Variants in KCNQ1 observed in about 807,000 individuals in gnomAD.
The protein encoded by KCNQ1 is potassium voltage-gated channel subfamily KQT member 1.
A neutral mutation model predicts 72.4 loss-of-function variants in KCNQ1; 49 were observed. That is an observed-to-expected ratio of 0.68 (90% CI 0.54 to 0.86). The LOEUF is 0.86. Ranked by LOEUF, KCNQ1 falls within the 40% of genes least tolerant of loss-of-function variation. The pLI is 0.00. For missense variants in KCNQ1, 790 were observed against 945.1 expected (o/e 0.84, Z 2.15); for synonymous variants, 450 against 412.6 (o/e 1.09, Z -1.10).
intron 10 of KCNQ1, among the ~76,000 whole-genome samples, chr11:2,596,555 T>G (rs1032483097): frequency 6.6e-6 from 1 of 151,420 alleles, no homozygotes; most frequent in African/African-American, 2.4e-5. Flanking sequence ...ATGGATACAT[T>G]GCAACATAAT....
At chr11:2,834,943 C>T (rs1016355322) in intron 15 of KCNQ1, among the ~76,000 whole-genome samples, 18 of 152,346 alleles carry the variant, frequency 1.2e-4, no homozygotes, top group Middle Eastern at 6.8e-3. Flanking sequence ...CCGCCCAGCC[C>T]CTATCTGGGA....
intron 1 of KCNQ1, among the ~76,000 whole-genome samples, chr11:2,505,719 C>T (rs1053507300): frequency 3.9e-5 from 6 of 152,170 alleles, no homozygotes; most frequent in African/African-American, 1.4e-4. Flanking sequence ...AAGTGTGCAG[C>T]GTCCTCTTTT....
rs184731749 is a variant in KCNQ1 at position 2,673,091 on chromosome 11, C to A, written c.1514+11010C>A. On this transcript the variant is annotated intron_variant, in intron 11 of 15. Coordinates refer to ENST00000155840, the MANE Select transcript of KCNQ1 (RefSeq NM_000218.3). This position sits in a 1 kb window ranked among gnomAD's most constrained non-coding sequence, Gnocchi z 4.5. Reference sequence around the variant, plus strand: ...CTTCTCAGGCCACAGTAGGCCTTCACGGTACTCAGCAGGAGACCCCAGCAG... The same window carrying A: ...CTTCTCAGGCCACAGTAGGCCTTCAAGGTACTCAGCAGGAGACCCCAGCAG... 1 of 398,866 alleles carries A rather than the reference C, an allele frequency of 2.5e-6. No homozygotes were observed. Among genetic ancestry groups the A allele is most frequent in the East Asian group, 3.6e-5 (1 of 28,066 alleles). The allele number at this position is 398,866 out of a possible 1,614,324, so 24.7% of individuals were successfully genotyped here.
intron 2 of KCNQ1, among the ~76,000 whole-genome samples, chr11:2,554,006 C>T (rs968839451): frequency 2.6e-5 from 4 of 152,190 alleles, no homozygotes; most frequent in African/African-American, 9.6e-5. Flanking sequence ...CGTGAGCCAC[C>T]ATGCCCAGCT....
chr11:2,836,179 G>A (rs1218788028), intron 15 of KCNQ1, among the ~76,000 whole-genome samples: 2 of 152,190 alleles, frequency 1.3e-5, no homozygotes, highest in Admixed American at 6.5e-5. Flanking sequence ...CATTTCTGAG[G>A]GAGAGGGACA....
At chr11:2,461,962 T>C in intron 1 of KCNQ1, 1 of 371,838 alleles carries the variant, frequency 2.7e-6, no homozygotes. Flanking sequence ...GGGGAAGGTC[T>C]GGAGAGGGCC....
In KCNQ1 at chr11:2,572,993, C is replaced by G; in HGVS notation, c.921+7C>G. ...TGCGCTGTGGTGGGGGGTGGTAAGT[C>G]GGAAACTTCCAGGCATGGGGACAGG... On this transcript the variant is annotated splice_region_variant and intron_variant, in intron 6 of 15. Coordinates refer to ENST00000155840, the MANE Select transcript of KCNQ1 (RefSeq NM_000218.3). 2 of 1,612,046 alleles carry G rather than the reference C, an allele frequency of 1.2e-6. No individual in the cohort carries two copies. The highest frequency in any genetic ancestry group is 1.7e-6 in the Non-Finnish European group (2 of 1,178,910).
intron 1 of KCNQ1, among the ~76,000 whole-genome samples, chr11:2,469,408 G>A (rs974482528): frequency 1.3e-5 from 2 of 151,918 alleles, no homozygotes; most frequent in African/African-American, 4.8e-5. Flanking sequence ...CAAGTAGTTG[G>A]GACTACAGAT....
chr11:2,494,383 G>A lies in KCNQ1; in HGVS notation c.387-33545G>A, dbSNP rs1460784132. 6.6e-6 allele frequency among the ~76,000 whole-genome samples: 1 copy of A among 152,096 alleles called. No homozygotes were observed. The highest frequency in any genetic ancestry group is 2.1e-4 in the South Asian group (1 of 4,816). ...TCCTGGCCAGAACTTCCAATACTAT[G>A]TTGAATGGGAGTGGTGAGAGAGGGC... On this transcript the variant is annotated intron_variant, in intron 1 of 15. Coordinates refer to ENST00000155840, the MANE Select transcript of KCNQ1 (RefSeq NM_000218.3). This position sits in a 1 kb window ranked among gnomAD's most constrained non-coding sequence, Gnocchi z 4.6.
At position 2,479,583 on chromosome 11, in the gene KCNQ1, A is replaced by G. The variant is rs1846623457; in HGVS notation, c.386+34099A>G. On this transcript the variant is annotated intron_variant, in intron 1 of 15. Coordinates refer to ENST00000155840, the MANE Select transcript of KCNQ1 (RefSeq NM_000218.3). This position sits in a 1 kb window ranked among gnomAD's most constrained non-coding sequence, Gnocchi z 4.6. ...AGGGCACCAAGTCCCTAGGCTGCAC[A>G]CAGCATGGAGGCCCTGGGCCCAGTC... 6.6e-6 allele frequency among the ~76,000 whole-genome samples: 1 copy of G among 152,192 alleles called. No homozygotes were observed. The highest frequency in any genetic ancestry group is 2.1e-4 in the South Asian group (1 of 4,834).
Position 2,477,893 on chromosome 11 carries a change from G to A in KCNQ1, c.386+32409G>A, listed in dbSNP as rs1846595260. ...TCCAGTTCTCACGTTAGAATCAACA[G>A]GGCTGGAAGGCCATCAAGGAAACCC... On this transcript the variant is annotated intron_variant, in intron 1 of 15. Coordinates refer to ENST00000155840, the MANE Select transcript of KCNQ1 (RefSeq NM_000218.3). This position sits in a 1 kb window ranked among gnomAD's most constrained non-coding sequence, Gnocchi z 5.0. Among the ~76,000 whole-genome samples, 1 of 152,160 alleles carries A rather than the reference G, an allele frequency of 6.6e-6. No individual in the cohort carries two copies. Among genetic ancestry groups the A allele is most frequent in the Non-Finnish European group, 1.5e-5 (1 of 68,022 alleles).
intron 11 of KCNQ1, among the ~76,000 whole-genome samples, chr11:2,726,970 G>A (rs888984636): frequency 2.0e-4 from 30 of 152,364 alleles, no homozygotes; most frequent in Admixed American, 1.6e-3. Flanking sequence ...CTGCCCCCAG[G>A]TGAAGGGTTG....
intron 10 of KCNQ1, chr11:2,637,026 G>A (rs974583474): frequency 6.6e-6 from 1 of 152,212 alleles, no homozygotes; most frequent in East Asian, 1.9e-4. Context: ...GGGATCGGTG[G>A]TGATATCCCC....
At chr11:2,838,698 G>C (rs185633356) in intron 15 of KCNQ1, among the ~76,000 whole-genome samples, 1 of 152,254 alleles carries the variant, frequency 6.6e-6, no homozygotes, top group East Asian at 1.9e-4. Flanking sequence ...GCAATGACAC[G>C]AGAACGGCCA....
chr11:2,681,069 T>A (rs1477010503), intron 11 of KCNQ1: 1 of 398,636 alleles, frequency 2.5e-6, no homozygotes, highest in East Asian at 3.6e-5. Flanking sequence ...AAAGAGACTT[T>A]GGAAGATTTC....
At chr11:2,732,428 G>A (rs977080390) in intron 11 of KCNQ1, among the ~76,000 whole-genome samples, 1 of 152,236 alleles carries the variant, frequency 6.6e-6, no homozygotes. Context: ...GGGCTGGGCA[G>A]GGGACTCCTG....
chr11:2,740,700 C>T (rs1018117999), intron 11 of KCNQ1, among the ~76,000 whole-genome samples: 1 of 152,198 alleles, frequency 6.6e-6, no homozygotes, highest in African/African-American at 2.4e-5. Flanking sequence ...GAGTCCCTGT[C>T]CTGCAGTTTC....
intron 1 of KCNQ1, among the ~76,000 whole-genome samples, chr11:2,523,342 C>T (rs1407472492): frequency 3.9e-5 from 6 of 152,050 alleles, no homozygotes; most frequent in African/African-American, 1.5e-4. Context: ...TACAGGAGCA[C>T]ACCACCACCC....
chr11:2,606,249 C>T (rs1485557239), intron 10 of KCNQ1, among the ~76,000 whole-genome samples: 2 of 152,100 alleles, frequency 1.3e-5, no homozygotes, highest in Non-Finnish European at 2.9e-5. Context: ...TGAACTCATT[C>T]GTTGTAATTG....
Sources: allele counts gnomAD v4.1 joint callset (sites outside exome capture counted in the v4.1 genomes callset), GRCh38; gene constraint gnomAD v4.1.1; non-coding constraint Gnocchi (gnomAD v3.1); transcripts MANE v1.5; gene names NCBI Gene and HGNC (gene_info 2026-07-23, HGNC 2026-07-21).